The following WAC variants were observed in gnomAD, a reference collection of about 807,000 sequenced individuals.
WAC encodes the protein WW domain containing adaptor with coiled-coil.
In WAC, 11 loss-of-function variants were observed where a neutral mutation model predicts 79.6. The observed-to-expected ratio is 0.14, with a 90% CI of 0.09 to 0.23. The LOEUF (loss-of-function observed/expected upper bound fraction) is 0.23. Among genes scored for constraint, WAC ranks in the 10% least tolerant of loss-of-function variants. The probability of loss-of-function intolerance (pLI) is 1.00; values close to 1 mark genes in which losing one functional copy is unlikely to be tolerated. For missense variants in WAC, 728 were observed against 773.5 expected, an observed-to-expected ratio of 0.94 and a Z score of 0.70; for synonymous variants, 304 against 276.9, an observed-to-expected ratio of 1.10 and a Z score of -0.97.
chr10:28,589,285 CTGAG>C (rs1263736280), intron 4 of WAC: 2 of 152,236 alleles, frequency 1.3e-5, no homozygotes, highest in African/African-American at 4.8e-5. Context: ...CCTTTTCTCA[CTGAG>C]TAACAGTTAA....
At chr10:28,616,443 A>C in intron 12 of WAC, 81 bp downstream of exon 12, 1 of 1,131,000 alleles carries the variant, frequency 8.8e-7, no homozygotes, top group Non-Finnish European at 1.2e-6. Context: ...ATCTAATGTG[A>C]CCACTGAATT....
intron 3 of WAC, among the ~76,000 whole-genome samples, chr10:28,569,834 C>G (rs748865314): frequency 2.7e-4 from 41 of 152,162 alleles, no homozygotes; most frequent in Non-Finnish European, 5.1e-4. Context: ...ACATTTCCAT[C>G]TGTTTCTTTT....
intron 4 of WAC, among the ~76,000 whole-genome samples, chr10:28,588,102 CTTCAG>C (rs1839913980): frequency 6.6e-6 from 1 of 152,182 alleles, no homozygotes; most frequent in African/African-American, 2.4e-5. Context: ...CATTCTACCT[CTTCAG>C]TTCAGTAATT....
chr10:28,561,496 T>TC (rs1838296664), intron 3 of WAC, among the ~76,000 whole-genome samples: 1 of 141,484 alleles, frequency 7.1e-6, no homozygotes, highest in South Asian at 2.2e-4. Context: ...CACTTTTAAA[T>TC]GTTTTTTTTT....
chr10:28,564,463 T>A (rs932495964), intron 3 of WAC, among the ~76,000 whole-genome samples: 1 of 152,014 alleles, frequency 6.6e-6, no homozygotes, highest in African/African-American at 2.4e-5. Flanking sequence ...TGAAAACACA[T>A]TAGTGGAAAT....
At chr10:28,554,096 G>T (rs1028380277) in intron 3 of WAC, among the ~76,000 whole-genome samples, 15 of 152,156 alleles carry the variant, frequency 9.9e-5, no homozygotes, top group African/African-American at 3.6e-4. Flanking sequence ...TCGAACTCCT[G>T]ACCTCAAGTG....
intron 3 of WAC, chr10:28,536,101 CATG>C (rs1836655351): frequency 6.4e-6 from 1 of 157,414 alleles, no homozygotes; most frequent in South Asian, 1.8e-4. Context: ...GTTAGTTGGG[CATG>C]GTGGTGGTGG....
intron 3 of WAC, among the ~76,000 whole-genome samples, chr10:28,562,090 C>T (rs1248740657): frequency 6.6e-6 from 1 of 152,174 alleles, no homozygotes; most frequent in Non-Finnish European, 1.5e-5. Context: ...GAGTCACGTG[C>T]TCTGTCACCC....
At chr10:28,604,685 G>A (rs332165) in intron 7 of WAC, among the ~76,000 whole-genome samples, 92,249 of 152,002 alleles carry the variant, frequency 0.61, 29,136 homozygotes, top group African/African-American at 0.78. Context: ...ACGCCACTGC[G>A]CTCCGGCCTG....
intron 3 of WAC, among the ~76,000 whole-genome samples, chr10:28,576,778 A>G (rs1000780604): frequency 6.6e-6 from 1 of 152,210 alleles, no homozygotes; most frequent in Non-Finnish European, 1.5e-5. Flanking sequence ...ATGGAGAGCA[A>G]TGCTGTCCAG....
chr10:28,545,605 G>A (rs1837310621), intron 3 of WAC, among the ~76,000 whole-genome samples: 2 of 152,244 alleles, frequency 1.3e-5, no homozygotes, highest in South Asian at 4.1e-4. Context: ...TAAGGAATGT[G>A]AGTTTTATCA....
Position 28,616,328 on chromosome 10 carries a change from T to C in WAC, c.1712T>C (p.Val571Ala). The C allele has an allele frequency of 4.3e-6, 7 of 1,612,794 alleles. No homozygotes were observed. The highest frequency in any genetic ancestry group is 5.9e-6 in the Non-Finnish European group (7 of 1,179,218). ...AHFSENLIKHVQGWPADHAEK... is the reference protein window; with the variant it reads ...AHFSENLIKHAQGWPADHAEK... The stretch of plus-strand genomic sequence containing the variant: ...TTCAGTGAAAATCTCATAAAACACG[T>C]TCAAGGATGGCCTGCAGATCATGCA... The change falls in exon 12 of 14, where the codon GTT becomes GCT. Residue 571 changes from valine (V) to alanine (A), a missense_variant. By Grantham distance (64) the Val-to-Ala change is moderately conservative (BLOSUM62 0). Around this residue, in one of 3 missense-constraint regions of WAC, gnomAD observed 14 missense variants for 33.1 expected, o/e 0.42. Transcript: ENST00000354911.
intron 7 of WAC, among the ~76,000 whole-genome samples, chr10:28,603,851 G>C (rs995309657): frequency 6.7e-6 from 1 of 149,310 alleles, no homozygotes; most frequent in Non-Finnish European, 1.5e-5. Flanking sequence ...GGAGAATGGC[G>C]TGAACCCGGG....
At chr10:28,547,871 G>A (rs1179838536) in intron 3 of WAC, among the ~76,000 whole-genome samples, 1 of 146,602 alleles carries the variant, frequency 6.8e-6, no homozygotes, top group Admixed American at 6.8e-5. Context: ...TCTAATTAGT[G>A]CATTTTAATT....
chr10:28,606,164 C>T (rs1312619857), intron 7 of WAC, among the ~76,000 whole-genome samples: 1 of 152,094 alleles, frequency 6.6e-6, no homozygotes, highest in Non-Finnish European at 1.5e-5. Context: ...GGTTCTCCCA[C>T]CTCAGCTTCC....
At chr10:28,609,586 G>A (rs1841125811) in intron 8 of WAC, among the ~76,000 whole-genome samples, 1 of 152,116 alleles carries the variant, frequency 6.6e-6, no homozygotes. Flanking sequence ...GGCAAAGTGG[G>A]GCTTTTAGAT....
chr10:28,534,221 C>G (rs1290515236), intron 2 of WAC, 187 bp downstream of exon 2: 1 of 493,784 alleles, frequency 2.0e-6, no homozygotes, highest in East Asian at 3.5e-5. Flanking sequence ...GGTTTAGTGA[C>G]TTATTTTGAC....
Position 28,571,127 on chromosome 10 carries a change from G to A in WAC, c.275-12272G>A, listed in dbSNP as rs563312471. The stretch of plus-strand genomic sequence containing the variant: ...CGCTCGCCACCACACCTGGGGTTTC[G>A]CCATGTTGGCCAGGCTGGTCTTGAA... On this transcript the variant is annotated intron_variant, in intron 3 of 13. Transcript: ENST00000354911. Among the ~76,000 whole-genome samples, 4 of 151,000 alleles carry A rather than the reference G, an allele frequency of 2.6e-5. No homozygotes were observed. The East Asian group carries it at 5.9e-4, about 22-fold the overall frequency.
In WAC at chr10:28,620,709, T is replaced by C. The variant is rs1320548507; in HGVS notation, c.*1103T>C. 6.6e-6 allele frequency: 1 copy of C among 152,236 alleles called. No individual in the cohort carries two copies. The highest frequency in any genetic ancestry group is 1.9e-4 in the East Asian group (1 of 5,200). The allele number at this position is 152,236 out of a possible 1,614,324, so 9.4% of individuals were successfully genotyped here. The stretch of plus-strand genomic sequence containing the variant: ...AGGAAATTGTGTATGAGATATTTAA[T>C]GAAATAAGAAATTCAACAAGAATGA... On this transcript the variant is annotated 3_prime_UTR_variant, in exon 14 of 14. Coordinates refer to ENST00000354911, the MANE Select transcript of WAC (RefSeq NM_016628.5).
Sources: gnomAD v4.1 joint callset for allele counts (sites outside exome capture counted in the v4.1 genomes callset) on GRCh38, gnomAD v4.1.1 for gene constraint, gnomAD v4.1.1 regional missense constraint, MANE v1.5 for transcripts, NCBI Gene and HGNC (gene_info 2026-07-23, HGNC 2026-07-21) for gene names.